TBL1Y: variants seen among roughly 807,000 people sequenced by gnomAD.
The protein encoded by TBL1Y is transducin beta like 1 Y-linked, also known as F-box-like/WD repeat-containing protein TBL1Y.
A neutral mutation model predicts 12.0 loss-of-function variants in TBL1Y; 15 were observed. That is an observed-to-expected ratio of 1.25 (90% CI 0.83 to 1.92). The LOEUF is 1.92. TBL1Y is among the 40% of genes most tolerant of loss of function. The pLI, the probability that TBL1Y is intolerant of heterozygous loss-of-function variation, is 0.00. For missense variants in TBL1Y, 148 were observed against 116.7 expected, an observed-to-expected ratio of 1.27 and a Z score of -1.24; for synonymous variants, 53 against 42.6, an observed-to-expected ratio of 1.24 and a Z score of -0.95.
intron 14 of TBL1Y, 130 bp from the exon 15 acceptor site, chrY:7,085,768 C>T (rs948361345): frequency 1.1e-5 from 2 of 184,883 alleles, no homozygotes; most frequent in Non-Finnish European, 9.7e-6. Flanking sequence ...GGGCTGTGCT[C>T]TTTGATGTCA....
At chrY:7,019,156 A>G in intron 4 of TBL1Y, among the ~76,000 whole-genome samples, 1 of 33,901 alleles carries the variant, frequency 2.9e-5, no homozygotes. Context: ...CCATTTCATA[A>G]CAAATATTTG....
chrY:7,012,314 A>G, intron 4 of TBL1Y, among the ~76,000 whole-genome samples: 1 of 34,131 alleles, frequency 2.9e-5, no homozygotes, highest in African/African-American at 1.1e-4. Flanking sequence ...GGAGGAATTC[A>G]AACATGCTGC....
intron 7 of TBL1Y, among the ~76,000 whole-genome samples, chrY:7,046,450 C>T (rs2012758589): frequency 2.9e-5 from 1 of 33,901 alleles, no homozygotes. Context: ...GAGCTGCACA[C>T]GTAATTCTTT....
intron 8 of TBL1Y, among the ~76,000 whole-genome samples, chrY:7,069,155 C>T (rs2013006619): frequency 3.0e-5 from 1 of 32,847 alleles, no homozygotes; most frequent in African/African-American, 1.2e-4. Flanking sequence ...CTCACCATAT[C>T]GTGAAACTGT....
chrY:6,966,074 C>CT (rs35191526), intron 2 of TBL1Y, among the ~76,000 whole-genome samples: 25 of 28,511 alleles, frequency 8.8e-4, no homozygotes, highest in African/African-American at 2.4e-3. Flanking sequence ...CATATTTTTC[C>CT]TTTTTTTTTT....
chrY:7,022,574 A>G, intron 5 of TBL1Y, among the ~76,000 whole-genome samples: 1 of 33,491 alleles, frequency 3.0e-5, no homozygotes, highest in African/African-American at 1.2e-4. Flanking sequence ...ATTCAGTATA[A>G]TGTTTTCAAG....
At chrY:7,068,099 C>T in intron 8 of TBL1Y, among the ~76,000 whole-genome samples, 1 of 31,505 alleles carries the variant, frequency 3.2e-5, no homozygotes, top group Non-Finnish European at 7.6e-5. Flanking sequence ...GTCGGGAGTT[C>T]GAGACCAGCT....
At chrY:6,976,446 A>G in intron 2 of TBL1Y, among the ~76,000 whole-genome samples, 1 of 33,629 alleles carries the variant, frequency 3.0e-5, no homozygotes, top group Non-Finnish European at 7.4e-5. Context: ...GCTGACAAAA[A>G]TGCCCTCCAG....
intron 7 of TBL1Y, among the ~76,000 whole-genome samples, chrY:7,061,214 T>C (rs2012864205): frequency 3.5e-5 from 1 of 28,535 alleles, no homozygotes; most frequent in Non-Finnish European, 8.2e-5. Context: ...CATTTGCCGC[T>C]ACAGATTGAA....
At chrY:6,967,405 T>C (rs2012176558) in intron 2 of TBL1Y, among the ~76,000 whole-genome samples, 39 of 33,338 alleles carry the variant, frequency 1.2e-3, no homozygotes, top group African/African-American at 4.5e-3. Flanking sequence ...TTTTTTTTTT[T>C]TGAGACAGAC....
chrY:6,992,918 A>C (rs927540069), intron 3 of TBL1Y, among the ~76,000 whole-genome samples: 7 of 34,104 alleles, frequency 2.1e-4, no homozygotes, highest in Admixed American at 1.9e-3. Context: ...TTTATTTTAG[A>C]TAGAAATATT....
intron 6 of TBL1Y, among the ~76,000 whole-genome samples, chrY:7,035,308 G>A (rs2012683919): frequency 2.9e-5 from 1 of 34,053 alleles, no homozygotes; most frequent in African/African-American, 1.1e-4. Context: ...AACAACAGAT[G>A]CTGGAGAAGA....
chrY:7,000,886 C>A, intron 4 of TBL1Y, among the ~76,000 whole-genome samples: 1 of 33,859 alleles, frequency 3.0e-5, no homozygotes, highest in Non-Finnish European at 7.3e-5. Context: ...AGACATGAGC[C>A]GTCACACGCA....
intron 14 of TBL1Y, among the ~76,000 whole-genome samples, chrY:7,085,377 G>A: frequency 3.2e-5 from 1 of 31,162 alleles, no homozygotes; most frequent in Non-Finnish European, 7.7e-5. Context: ...GGTAGGGCCT[G>A]TCTTTAGTCC....
chrY:6,979,449 G>A (rs1603033109), intron 3 of TBL1Y, among the ~76,000 whole-genome samples: 3 of 33,660 alleles, frequency 8.9e-5, no homozygotes, highest in African/African-American at 2.3e-4. Context: ...ACATTTCTCC[G>A]TTAATCTTTA....
intron 2 of TBL1Y, among the ~76,000 whole-genome samples, chrY:6,912,858 C>G (rs2011707749): frequency 3.8e-5 from 1 of 26,201 alleles, no homozygotes; most frequent in South Asian, 9.8e-4. Flanking sequence ...AAAAAAAACA[C>G]TGTGTGCAAA....
Position 7,043,001 on chromosome Y carries a change from C to T in TBL1Y, c.80C>T (p.Thr27Met). Residue 27 changes from threonine to methionine, a missense_variant, in exon 7 of 19, where the codon ACG becomes ATG. Thr to Met is a moderately conservative substitution (Grantham distance 81, BLOSUM62 -1). Coordinates refer to ENST00000383032, the MANE Select transcript of TBL1Y (RefSeq NM_033284.2). Reference sequence around the variant, plus strand: ...GCAGGTTTTTCTCACTCGGCTTTCACGTTTGGGATCGAGAGCCACATCAGC... The same window carrying T: ...GCAGGTTTTTCTCACTCGGCTTTCATGTTTGGGATCGAGAGCCACATCAGC... Reference protein sequence around the residue: ...QESGFSHSAFTFGIESHISQS... With the variant: ...QESGFSHSAFMFGIESHISQS... The T allele has an allele frequency of 7.5e-6, 3 of 398,282 alleles. No homozygotes were observed. The highest frequency in any genetic ancestry group is 1.1e-5 in the Non-Finnish European group (3 of 283,569).
At chrY:7,033,330 G>C in intron 6 of TBL1Y, among the ~76,000 whole-genome samples, 2 of 33,397 alleles carry the variant, frequency 6.0e-5, no homozygotes, top group Non-Finnish European at 1.5e-4. Flanking sequence ...CTGAAATTGA[G>C]GCAATAATTA....
intron 17 of TBL1Y, among the ~76,000 whole-genome samples, chrY:7,089,538 C>T (rs2013160388): frequency 3.0e-5 from 1 of 33,499 alleles, no homozygotes; most frequent in Non-Finnish European, 7.4e-5. Flanking sequence ...CACCTGTAAT[C>T]GCAACACTTT....
Sources: allele counts gnomAD v4.1 joint callset (sites outside exome capture counted in the v4.1 genomes callset), GRCh38; gene constraint gnomAD v4.1.1; transcripts MANE v1.5; gene names NCBI Gene and HGNC (gene_info 2026-07-23, HGNC 2026-07-21).